PDZRN4: variants seen among roughly 807,000 people sequenced by gnomAD.
PDZRN4 encodes the protein PDZ domain-containing RING finger protein 4.
PDZRN4 carries 70 observed loss-of-function variants against 99.0 expected under a neutral mutation model. That is an observed-to-expected ratio of 0.71 (90% CI 0.58 to 0.86). The LOEUF (loss-of-function observed/expected upper bound fraction) is 0.86. Ranked by LOEUF, PDZRN4 falls within the 40% of genes least tolerant of loss-of-function variation. The pLI, the probability that PDZRN4 is intolerant of heterozygous loss-of-function variation, is 0.00. For missense variants in PDZRN4, 1,474 were observed against 1,331.2 expected, an observed-to-expected ratio of 1.11 and a Z score of -1.67; for synonymous variants, 551 against 501.6, an observed-to-expected ratio of 1.10 and a Z score of -1.32.
intron 3 of PDZRN4, among the ~76,000 whole-genome samples, chr12:41,464,241 A>G (rs1309131910): frequency 1.3e-5 from 2 of 152,118 alleles, no homozygotes; most frequent in Non-Finnish European, 2.9e-5. Context: ...TCAGAAATCC[A>G]GCTGAATGCC....
Position 41,402,624 on chromosome 12 carries a change from GTATATA to G in PDZRN4, c.844-103811_844-103806del, listed in dbSNP as rs370772812. Reference sequence around the variant, plus strand: ...ATACATATATATATATATATACTGAGTATATATATATATATATATATATATACTGAG... The same window carrying G: ...ATACATATATATATATATATACTGAGTATATATATATATATATATACTGAG... On this transcript the variant is annotated intron_variant, in intron 3 of 9. Transcript: ENST00000402685. Among the ~76,000 whole-genome samples, 2 of 15,750 alleles carry G rather than the reference GTATATA, an allele frequency of 1.3e-4. 1 individual carries two copies. The highest frequency in any genetic ancestry group is 3.6e-3 in the East Asian group (2 of 548). The allele number at this position is 15,750 out of a possible 152,430, so 10.3% of individuals were successfully genotyped here. A position where few individuals can be genotyped will look rare whatever the true frequency, so the allele number is the denominator to read the frequency against.
At chr12:41,462,769 T>A (rs1952884352) in intron 3 of PDZRN4, among the ~76,000 whole-genome samples, 1 of 140,320 alleles carries the variant, frequency 7.1e-6, no homozygotes, top group South Asian at 2.3e-4. Context: ...CAATTATGTA[T>A]CAGTAATTCT....
rs77126914 is a variant in PDZRN4, at chr12:41,312,362, G to A, written c.843+118174G>A. Among the ~76,000 whole-genome samples, 418 of 152,068 alleles carry A rather than the reference G, an allele frequency of 2.7e-3. 17 individuals are homozygous for A. The East Asian group carries it at 0.074, about 27-fold the overall frequency. On this transcript the variant is annotated intron_variant, in intron 3 of 9. Coordinates refer to ENST00000402685, the MANE Select transcript of PDZRN4 (RefSeq NM_001164595.2). Reference sequence around the variant, plus strand: ...GAACTTAGAATGTGGCAAACGTTGGGTTTGTTCTTTTAATAAATCCAGGTC... The same window carrying A: ...GAACTTAGAATGTGGCAAACGTTGGATTTGTTCTTTTAATAAATCCAGGTC...
chr12:41,534,171 A>G (rs779625994), intron 5 of PDZRN4, among the ~76,000 whole-genome samples: 1 of 152,184 alleles, frequency 6.6e-6, no homozygotes, highest in Non-Finnish European at 1.5e-5. Context: ...TATACTCATT[A>G]TAAGTTGCTA....
chr12:41,480,491 A>T (rs935408410), intron 3 of PDZRN4, among the ~76,000 whole-genome samples: 2 of 152,160 alleles, frequency 1.3e-5, no homozygotes, highest in African/African-American at 2.4e-5. Context: ...TGCTTTGAGG[A>T]TATAAAGCTA....
chr12:41,332,007 G>C (rs1009928407), intron 3 of PDZRN4, among the ~76,000 whole-genome samples: 1 of 152,116 alleles, frequency 6.6e-6, no homozygotes, highest in Non-Finnish European at 1.5e-5. Context: ...TCTGTGGTAG[G>C]AAACGAGAGA....
At chr12:41,390,721 A>G (rs148360311) in intron 3 of PDZRN4, among the ~76,000 whole-genome samples, 2 of 152,254 alleles carry the variant, frequency 1.3e-5, no homozygotes, top group Non-Finnish European at 2.9e-5. Context: ...AGAATAATGT[A>G]ACAGTGGTCT....
intron 3 of PDZRN4, among the ~76,000 whole-genome samples, chr12:41,232,941 C>T (rs1951038474): frequency 6.6e-6 from 1 of 152,082 alleles, no homozygotes; most frequent in Non-Finnish European, 1.5e-5. Context: ...TTCCCCATTG[C>T]TTGTTTTTGT....
intron 5 of PDZRN4, among the ~76,000 whole-genome samples, chr12:41,550,890 A>G (rs1393054488): frequency 6.6e-6 from 1 of 152,206 alleles, no homozygotes; most frequent in African/African-American, 2.4e-5. Flanking sequence ...GACTTCATTC[A>G]AATACAAAAT....
chr12:41,448,791 G>A (rs571547120), intron 3 of PDZRN4, among the ~76,000 whole-genome samples: 1 of 152,208 alleles, frequency 6.6e-6, no homozygotes, highest in South Asian at 2.1e-4. Flanking sequence ...AAGAACAGCT[G>A]GGGGAGCGGG....
chr12:41,239,016 A>G (rs190180792), intron 3 of PDZRN4, among the ~76,000 whole-genome samples: 8 of 152,316 alleles, frequency 5.3e-5, no homozygotes, highest in Admixed American at 4.6e-4. Flanking sequence ...CTACATGCAT[A>G]TATTCTTTGC....
rs573523428 is a variant in PDZRN4 at position 41,294,567 on chromosome 12, A to T, written c.843+100379A>T. Among the ~76,000 whole-genome samples the T allele has an allele frequency of 1.6e-4, 25 of 152,260 alleles. 1 individual carries two copies. Among genetic ancestry groups the T allele is most frequent in the African/African-American group, 6.0e-4 (25 of 41,570 alleles). On this transcript the variant is annotated intron_variant, in intron 3 of 9. Transcript: ENST00000402685. Reference sequence around the variant, plus strand: ...TTAACATTTAAAATTATTTTACTTAAAATAGTATAACAAAGAGAGTACTTT... The same window carrying T: ...TTAACATTTAAAATTATTTTACTTATAATAGTATAACAAAGAGAGTACTTT...
chr12:41,411,067 A>ATATATATATATATATATAT (rs34064559), intron 3 of PDZRN4, among the ~76,000 whole-genome samples: 6 of 140,432 alleles, frequency 4.3e-5, no homozygotes, highest in African/African-American at 1.6e-4. Context: ...ATATATATAT[A>ATATATATATATATATATAT]TTTTTTTTTT....
chr12:41,538,677 T>A (rs1339703027), intron 5 of PDZRN4, among the ~76,000 whole-genome samples: 2 of 152,114 alleles, frequency 1.3e-5, no homozygotes. Context: ...TAAACATTTT[T>A]AATAAATAAA....
In PDZRN4 at chr12:41,270,788, CG is replaced by C. The variant is rs1291207680; in HGVS notation, c.843+76601del. On this transcript the variant is annotated intron_variant, in intron 3 of 9. Transcript: ENST00000402685. ...CATTCTTTTATTAATTTGTTAGTTA[CG>C]TAGAAATCTCAAAATAATTATTGTG... 2.0e-5 allele frequency among the ~76,000 whole-genome samples: 3 copies of C among 151,920 alleles called. No homozygotes were observed. The East Asian group carries it at 5.8e-4, about 29-fold the overall frequency.
At position 41,421,151 on chromosome 12, in the gene PDZRN4, T is replaced by C. The variant is rs1455572219; in HGVS notation, c.844-85305T>C. ...CGTGTTCAAGACTGTTTACACACTA[T>C]TGTAAAACATCATTACTTTTTATAA... On this transcript the variant is annotated intron_variant, in intron 3 of 9. Transcript: ENST00000402685. Among the ~76,000 whole-genome samples, 4 of 152,216 alleles carry C rather than the reference T, an allele frequency of 2.6e-5. No individual in the cohort carries two copies. The South Asian group carries it at 6.2e-4, about 24-fold the overall frequency.
chr12:41,241,784 G>A (rs942589581), intron 3 of PDZRN4, among the ~76,000 whole-genome samples: 2 of 152,000 alleles, frequency 1.3e-5, no homozygotes, highest in South Asian at 2.1e-4. Context: ...ATCACTGAAC[G>A]CTTTCCTGGG....
At chr12:41,194,382 C>T (rs1434742401) in intron 3 of PDZRN4, among the ~76,000 whole-genome samples, 194 bp downstream of exon 3, 1 of 152,168 alleles carries the variant, frequency 6.6e-6, no homozygotes, top group African/African-American at 2.4e-5. Flanking sequence ...TGCCTATAAT[C>T]CCAGCACTTT....
chr12:41,568,037 A>G, intron 9 of PDZRN4, 138 bp downstream of exon 9: 1 of 597,890 alleles, frequency 1.7e-6, no homozygotes, highest in South Asian at 2.2e-5. Context: ...AGAGCAAATG[A>G]TCATCTCAAA....
Sources: allele counts gnomAD v4.1 joint callset (sites outside exome capture counted in the v4.1 genomes callset), GRCh38; gene constraint gnomAD v4.1.1; transcripts MANE v1.5; gene names NCBI Gene and HGNC (gene_info 2026-07-23, HGNC 2026-07-21).